Variants in PPM1B observed in about 807,000 individuals in gnomAD.
PPM1B encodes protein phosphatase 1B.
In PPM1B, 22 loss-of-function variants were observed where a neutral mutation model predicts 43.0. That is an observed-to-expected ratio of 0.51 (90% CI 0.37 to 0.73). PPM1B has a LOEUF of 0.73. PPM1B is among the 30% of genes least tolerant of loss of function. PPM1B has a pLI of 0.00. For synonymous variants in PPM1B, 217 were observed against 197.9 expected, an observed-to-expected ratio of 1.10 and a Z score of -0.81; for missense variants, 632 against 584.2, an observed-to-expected ratio of 1.08 and a Z score of -0.84.
At chr2:44,214,115 T>C (rs2104202699) in intron 3 of PPM1B, among the ~76,000 whole-genome samples, 1 of 152,320 alleles carries the variant, frequency 6.6e-6, no homozygotes, top group Admixed American at 6.5e-5. Context: ...AGTCTCGCAC[T>C]GTCACCCAGG....
At chr2:44,220,930 T>C (rs1669950971) in intron 5 of PPM1B, among the ~76,000 whole-genome samples, 1 of 152,218 alleles carries the variant, frequency 6.6e-6, no homozygotes, top group Admixed American at 6.5e-5. Flanking sequence ...AGAAAGGACA[T>C]CTTTTTTGGC....
At position 44,201,341 on chromosome 2, in the gene PPM1B, C is replaced by A; in HGVS notation, c.142C>A (p.His48Asn). ...DAHTAVVGIP[H>N]GLEDWSFFAV... ...ACACACAGCTGTTGTAGGTATTCCT[C>A]ACGGCTTGGAAGACTGGTCATTTTT... Residue 48 changes from histidine (H) to asparagine (N), a missense_variant, in exon 2 of 6, where the codon CAC becomes AAC. Coordinates refer to ENST00000282412, the MANE Select transcript of PPM1B (RefSeq NM_002706.6). The surrounding 1 kb of genome is among the most constrained non-coding windows in gnomAD (Gnocchi z 5.4). 2 of 1,614,116 alleles carry A rather than the reference C, an allele frequency of 1.2e-6. No homozygotes were observed. The highest frequency in any genetic ancestry group is 1.7e-6 in the Non-Finnish European group (2 of 1,180,018).
downstream of PPM1B, among the ~76,000 whole-genome samples, chr2:44,246,423 T>C (rs1212482207): frequency 6.6e-6 from 1 of 152,194 alleles, no homozygotes; most frequent in Non-Finnish European, 1.5e-5. Flanking sequence ...ATGTTAGCTA[T>C]CTTCTTCTTT....
chr2:44,223,465 TTTAC>T (rs1266387525), intron 5 of PPM1B, among the ~76,000 whole-genome samples: 1 of 152,150 alleles, frequency 6.6e-6, no homozygotes, highest in Non-Finnish European at 1.5e-5. Flanking sequence ...TTTTTTCATA[TTTAC>T]TTTTTATTCA....
chr2:44,169,325 C>T (rs1415955999), intron 1 of PPM1B, 51 bp downstream of exon 1: 1 of 152,346 alleles, frequency 6.6e-6, no homozygotes, highest in Non-Finnish European at 1.5e-5. Flanking sequence ...CCGGCCGCGC[C>T]GCCGAGGCCC....
intron 5 of PPM1B, among the ~76,000 whole-genome samples, chr2:44,240,866 G>A (rs999012180): frequency 6.8e-6 from 1 of 146,098 alleles, no homozygotes; most frequent in South Asian, 2.4e-4. Flanking sequence ...GCAGTGAGCT[G>A]TCTCTTAATA....
At chr2:44,246,106 AC>A (rs1306446022), downstream of PPM1B, among the ~76,000 whole-genome samples, 2 of 152,102 alleles carry the variant, frequency 1.3e-5, no homozygotes, top group African/African-American at 4.8e-5. Flanking sequence ...ACCATCCAGG[AC>A]CCTTTTCTCC....
chr2:44,181,448 G>C (rs7584405), intron 1 of PPM1B, among the ~76,000 whole-genome samples: 27,840 of 152,124 alleles, frequency 0.18, 2,680 homozygotes, highest in South Asian at 0.24. Flanking sequence ...TTAGGGAAAT[G>C]AAGCTCATGA....
At chr2:44,200,533 CAG>C (rs1242052467) in intron 1 of PPM1B, among the ~76,000 whole-genome samples, 3 of 152,062 alleles carry the variant, frequency 2.0e-5, no homozygotes, top group Non-Finnish European at 4.4e-5. Context: ...ATGTTTTTAA[CAG>C]AATCAAAGTA....
At chr2:44,210,930 G>C (rs1669433989) in intron 3 of PPM1B, among the ~76,000 whole-genome samples, 2 of 152,138 alleles carry the variant, frequency 1.3e-5, no homozygotes, top group African/African-American at 4.8e-5. Flanking sequence ...GAGGTCAAGA[G>C]TTGGAGACCA....
At chr2:44,228,761 G>A (rs780325295) in intron 5 of PPM1B, among the ~76,000 whole-genome samples, 8 of 151,482 alleles carry the variant, frequency 5.3e-5, no homozygotes, top group Admixed American at 2.6e-4. Flanking sequence ...TTAACATTTT[G>A]CCATAGTTGC....
chr2:44,195,303 A>G (rs927251074), intron 1 of PPM1B, among the ~76,000 whole-genome samples: 8 of 151,762 alleles, frequency 5.3e-5, no homozygotes, highest in Non-Finnish European at 1.0e-4. Flanking sequence ...TCTTGGGCTC[A>G]AGTGATCCTC....
At chr2:44,244,543 G>A, downstream of PPM1B, 1 of 260,510 alleles carries the variant, frequency 3.8e-6, no homozygotes, top group Non-Finnish European at 6.0e-6. Context: ...GACTCTTATG[G>A]TTAAAGGCAG....
chr2:44,230,427 A>C lies in PPM1B; in HGVS notation c.1149A>C (p.Ala383=). 1 of 1,613,968 alleles carries C rather than the reference A, an allele frequency of 6.2e-7. No homozygotes were observed. Among genetic ancestry groups the C allele is most frequent in the Non-Finnish European group, 8.5e-7 (1 of 1,179,846 alleles). Residue 383 remains alanine (A), a synonymous_variant, in exon 6 of 6, where the codon GCA becomes GCC. Transcript: ENST00000282412. The part of the protein sequence containing the change: ...HRESDGASDE[A]EESGSQGKLV... ...CTTAAAAAAAGGCCTCCGATGAAGC[A>C]GAGGAAAGTGGATCACAGGGAAAAT...
At position 44,177,911 on chromosome 2, in the gene PPM1B, A is replaced by G. The variant is rs1572682939; in HGVS notation, c.-15+8637A>G. On this transcript the variant is annotated intron_variant, in intron 1 of 5. Transcript: ENST00000282412. ...TAGTATTCCATTGTATGATTAGAAC[A>G]GTTCTTTTTTTTTTTTTTTTTTTAA... is the stretch of plus-strand genomic sequence containing the variant. Among the ~76,000 whole-genome samples the G allele has an allele frequency of 4.1e-5, 6 of 146,948 alleles. No individual in the cohort carries two copies. The South Asian group carries it at 1.3e-3, about 31-fold the overall frequency.
intron 2 of PPM1B, among the ~76,000 whole-genome samples, chr2:44,206,936 A>G (rs1261652267): frequency 2.6e-5 from 4 of 152,212 alleles, no homozygotes; most frequent in African/African-American, 9.6e-5. Flanking sequence ...CCCTTATGAC[A>G]TTTATACAAG....
chr2:44,220,427 C>T (rs1669925190), intron 5 of PPM1B, among the ~76,000 whole-genome samples: 1 of 151,986 alleles, frequency 6.6e-6, no homozygotes, highest in African/African-American at 2.4e-5. Context: ...AATAAATAGG[C>T]AACGGAACTA....
chr2:44,194,595 C>T (rs888872335), intron 1 of PPM1B, among the ~76,000 whole-genome samples: 6 of 151,972 alleles, frequency 3.9e-5, no homozygotes, highest in African/African-American at 1.5e-4. Context: ...TGGTGGCGGG[C>T]GCCTGTAGTC....
intron 2 of PPM1B, among the ~76,000 whole-genome samples, chr2:44,202,736 A>G (rs1187522756): frequency 6.6e-6 from 1 of 152,204 alleles, no homozygotes; most frequent in East Asian, 1.9e-4. Context: ...CCTGTGGAAC[A>G]CTAAAGTTTA....
Sources: gnomAD v4.1 joint callset for allele counts (sites outside exome capture counted in the v4.1 genomes callset) on GRCh38, gnomAD v4.1.1 for gene constraint, Gnocchi (gnomAD v3.1) non-coding constraint, MANE v1.5 for transcripts, NCBI Gene and HGNC (gene_info 2026-07-23, HGNC 2026-07-21) for gene names.